C10orf90: variants seen among roughly 807,000 people sequenced by gnomAD.
The protein encoded by C10orf90 is (E2-independent) E3 ubiquitin-conjugating enzyme FATS.
In C10orf90, 56 loss-of-function variants were observed where a neutral mutation model predicts 62.5. The observed-to-expected ratio is 0.90, with a 90% CI of 0.72 to 1.12. The LOEUF is 1.12. Among genes scored for constraint, C10orf90 ranks in the 50% most tolerant of loss-of-function variants. The pLI, the probability that C10orf90 is intolerant of heterozygous loss-of-function variation, is 0.00. For missense variants in C10orf90, 970 were observed against 880.4 expected, an observed-to-expected ratio of 1.10 and a Z score of -1.29; for synonymous variants, 386 against 340.4, an observed-to-expected ratio of 1.13 and a Z score of -1.47.
intron 7 of C10orf90, among the ~76,000 whole-genome samples, chr10:126,440,494 T>A (rs1380546333): frequency 6.6e-6 from 1 of 151,904 alleles, no homozygotes; most frequent in Non-Finnish European, 1.5e-5. Context: ...TTCTTGGGAG[T>A]TCTAGGGCCC....
intron 7 of C10orf90, among the ~76,000 whole-genome samples, chr10:126,440,890 A>C (rs1858272871): frequency 6.6e-6 from 1 of 152,210 alleles, no homozygotes; most frequent in Non-Finnish European, 1.5e-5. Context: ...AATCTGAACA[A>C]CAGCCTTCAG....
intron 2 of C10orf90, among the ~76,000 whole-genome samples, chr10:126,624,077 G>A (rs372779818): frequency 1.1e-3 from 166 of 152,296 alleles, no homozygotes; most frequent in African/African-American, 3.6e-3. Context: ...GCCTAGCGCG[G>A]TGGCTCACGC....
chr10:126,499,851 A>T (rs1454781711), intron 4 of C10orf90, among the ~76,000 whole-genome samples: 2 of 152,232 alleles, frequency 1.3e-5, no homozygotes, highest in Non-Finnish European at 2.9e-5. Flanking sequence ...ATCTACCATC[A>T]TCAGAAGATT....
chr10:126,585,334 AGAGG>A (rs1284957647), intron 2 of C10orf90, among the ~76,000 whole-genome samples: 1 of 77,500 alleles, frequency 1.3e-5, no homozygotes, highest in Non-Finnish European at 2.7e-5. Context: ...AGAGAGGGAG[AGAGG>A]GAGACAGGCA....
At chr10:126,503,090 A>C (rs60875364) in intron 4 of C10orf90, among the ~76,000 whole-genome samples, 2 of 152,272 alleles carry the variant, frequency 1.3e-5, no homozygotes, top group South Asian at 4.1e-4. Flanking sequence ...ATCTTTAAAT[A>C]CTTTTTTCCA....
chr10:126,628,673 G>A (rs1215737599), intron 2 of C10orf90, among the ~76,000 whole-genome samples: 1 of 152,176 alleles, frequency 6.6e-6, no homozygotes, highest in Admixed American at 6.5e-5. Flanking sequence ...TTTGGGGATG[G>A]TTTTGCAGAG....
At chr10:126,478,391 C>T (rs1861004592) in intron 4 of C10orf90, among the ~76,000 whole-genome samples, 2 of 152,194 alleles carry the variant, frequency 1.3e-5, no homozygotes, top group African/African-American at 2.4e-5. Context: ...GCGACAAGAA[C>T]AATGCAGTGC....
intron 2 of C10orf90, among the ~76,000 whole-genome samples, chr10:126,573,758 C>T (rs1365961228): frequency 6.6e-6 from 1 of 152,156 alleles, no homozygotes; most frequent in Non-Finnish European, 1.5e-5. Context: ...GACTGATCCC[C>T]AGTACCCAAC....
intron 4 of C10orf90, among the ~76,000 whole-genome samples, chr10:126,495,553 T>A (rs920459536): frequency 2.6e-5 from 4 of 152,222 alleles, no homozygotes; most frequent in Non-Finnish European, 5.9e-5. Flanking sequence ...AACAACAAAC[T>A]ACTTTGACAA....
intron 4 of C10orf90, among the ~76,000 whole-genome samples, chr10:126,498,473 C>T (rs951348926): frequency 3.9e-5 from 6 of 152,194 alleles, no homozygotes; most frequent in African/African-American, 1.4e-4. Context: ...GCCCTCACCA[C>T]CACCCCCTGC....
At chr10:126,494,367 T>A (rs1247233594) in intron 4 of C10orf90, among the ~76,000 whole-genome samples, 9 of 152,056 alleles carry the variant, frequency 5.9e-5, no homozygotes, top group Non-Finnish European at 1.3e-4. Flanking sequence ...AGCTCACATA[T>A]TTGCAAGATA....
chr10:126,569,638 G>A (rs551733203), intron 2 of C10orf90, among the ~76,000 whole-genome samples: 1 of 152,324 alleles, frequency 6.6e-6, no homozygotes, highest in South Asian at 2.1e-4. Flanking sequence ...AACAGAAAGA[G>A]GGTGTGTCTT....
At position 126,641,101 on chromosome 10, in the gene C10orf90, C is replaced by T. The variant is rs74158859; in HGVS notation, c.313+5464G>A. ...AAAGTAAACAGATAAATGTGGTGTC[C>T]CTTCTATACCTTGTTAACAGAGAAG... On this transcript the variant is annotated intron_variant, in intron 2 of 9. Coordinates refer to ENST00000488181, the MANE Select transcript of C10orf90 (RefSeq NM_001350921.2). Among the ~76,000 whole-genome samples the T allele has an allele frequency of 3.3e-3, 506 of 152,240 alleles. 3 individuals are homozygous for T. Among genetic ancestry groups the T allele is most frequent in the African/African-American group, 0.012 (494 of 41,554 alleles).
chr10:126,450,647 A>G (rs1211155164), intron 7 of C10orf90, among the ~76,000 whole-genome samples: 1 of 152,226 alleles, frequency 6.6e-6, no homozygotes, highest in Admixed American at 6.5e-5. Context: ...CACATGCAGA[A>G]GAATGAAATT....
At chr10:126,601,713 C>G (rs1473018933) in intron 2 of C10orf90, among the ~76,000 whole-genome samples, 2 of 152,248 alleles carry the variant, frequency 1.3e-5, no homozygotes, top group Non-Finnish European at 2.9e-5. Flanking sequence ...GTTCCTACCA[C>G]ACAAACTCTT....
At chr10:126,444,400 C>T (rs1326568701) in intron 7 of C10orf90, among the ~76,000 whole-genome samples, 2 of 152,060 alleles carry the variant, frequency 1.3e-5, no homozygotes, top group Non-Finnish European at 2.9e-5. Flanking sequence ...AGAATCAAAT[C>T]AAGAGCTCAA....
intron 2 of C10orf90, among the ~76,000 whole-genome samples, chr10:126,580,945 C>CCT (rs78820490): frequency 0.61 from 92,328 of 151,852 alleles, 28,625 homozygotes; most frequent in African/African-American, 0.73. Context: ...TGTTCTTGGC[C>CCT]ATTTTTCCAA....
At chr10:126,513,113 T>C (rs897905027) in intron 3 of C10orf90, among the ~76,000 whole-genome samples, 1 of 152,154 alleles carries the variant, frequency 6.6e-6, no homozygotes, top group Non-Finnish European at 1.5e-5. Context: ...AACTGTAACA[T>C]CTTGGACAGT....
At chr10:126,471,376 C>T (rs1040954956) in intron 4 of C10orf90, among the ~76,000 whole-genome samples, 2 of 152,184 alleles carry the variant, frequency 1.3e-5, no homozygotes, top group African/African-American at 2.4e-5. Flanking sequence ...CTGCTATAAA[C>T]GTCAACCATT....
Sources: gnomAD v4.1 joint callset for allele counts (sites outside exome capture counted in the v4.1 genomes callset) on GRCh38, gnomAD v4.1.1 for gene constraint, MANE v1.5 for transcripts, NCBI Gene and HGNC (gene_info 2026-07-23, HGNC 2026-07-21) for gene names.